CCDC178: variants seen among roughly 807,000 people sequenced by gnomAD.
The protein encoded by CCDC178 is coiled-coil domain-containing protein 178.
CCDC178 carries 126 observed loss-of-function variants against 117.4 expected under a neutral mutation model. The ratio of observed to expected loss-of-function variants is 1.07; its 90% confidence interval spans 0.93 to 1.24. CCDC178 has a LOEUF of 1.24. Among genes scored for constraint, CCDC178 ranks in the 50% most tolerant of loss-of-function variants. The pLI is 0.00. For synonymous variants in CCDC178, 283 were observed against 313.4 expected (o/e 0.90, Z 1.02); for missense variants, 1,030 against 986.9 (o/e 1.04, Z -0.59).
At chr18:33,109,779 T>G (rs1284837300) in intron 20 of CCDC178, among the ~76,000 whole-genome samples, 2 of 150,672 alleles carry the variant, frequency 1.3e-5, no homozygotes, top group African/African-American at 2.4e-5. Flanking sequence ...TCAGATTAAT[T>G]CATACTTTTT....
Position 32,946,330 on chromosome 18 carries a change from G to C in CCDC178, c.2524-8239C>G, listed in dbSNP as rs1267734804. On this transcript the variant is annotated intron_variant, in intron 22 of 22. Coordinates refer to ENST00000383096, the MANE Select transcript of CCDC178 (RefSeq NM_001105528.4). ...TTGAATTTTACTGTTATGTCAGTAT[G>C]GCTTATCCACCACTTTTCTTCAAAC... 2.6e-5 allele frequency among the ~76,000 whole-genome samples: 4 copies of C among 152,226 alleles called. No individual in the cohort carries two copies. The East Asian group carries it at 5.8e-4, about 22-fold the overall frequency.
intron 12 of CCDC178, among the ~76,000 whole-genome samples, chr18:33,281,987 C>T (rs1208091626): frequency 6.6e-6 from 1 of 152,150 alleles, no homozygotes; most frequent in Admixed American, 6.5e-5. Context: ...GAACAGCTCC[C>T]ATGGAGGCAC....
At chr18:33,301,900 T>C (rs550585987) in intron 11 of CCDC178, among the ~76,000 whole-genome samples, 219 of 152,242 alleles carry the variant, frequency 1.4e-3, no homozygotes, top group African/African-American at 5.1e-3. Context: ...TATTTTGCCA[T>C]GTGAGGTGGA....
At chr18:33,175,742 G>C (rs184937459) in intron 20 of CCDC178, among the ~76,000 whole-genome samples, 52 of 152,234 alleles carry the variant, frequency 3.4e-4, no homozygotes, top group Non-Finnish European at 5.7e-4. Context: ...ACTTTAGAAA[G>C]AAGCTTAAAG....
chr18:33,227,318 G>T, intron 15 of CCDC178, among the ~76,000 whole-genome samples: 1 of 147,548 alleles, frequency 6.8e-6, no homozygotes, highest in African/African-American at 2.5e-5. Context: ...TACCTTTCAA[G>T]TTTGTAGGGA....
chr18:32,957,121 T>C (rs1443702853), intron 22 of CCDC178, among the ~76,000 whole-genome samples: 1 of 152,198 alleles, frequency 6.6e-6, no homozygotes, highest in African/African-American at 2.4e-5. Flanking sequence ...CAGGGAAAGA[T>C]GCCAGCTGGC....
At chr18:33,424,345 A>G (rs552841131) in intron 2 of CCDC178, among the ~76,000 whole-genome samples, 7 of 152,318 alleles carry the variant, frequency 4.6e-5, no homozygotes, top group Admixed American at 4.6e-4. Context: ...CACCTATAAT[A>G]TAGCTGAAAT....
intron 20 of CCDC178, among the ~76,000 whole-genome samples, chr18:33,165,163 C>A (rs1235527334): frequency 1.3e-5 from 2 of 151,516 alleles, no homozygotes; most frequent in Admixed American, 6.6e-5. Context: ...CAAGACAATG[C>A]AAAAATAATA....
chr18:33,280,539 G>C (rs1267495546), intron 12 of CCDC178, among the ~76,000 whole-genome samples: 7 of 151,698 alleles, frequency 4.6e-5, no homozygotes, highest in Admixed American at 1.3e-4. Flanking sequence ...GTGGAAGTCA[G>C]TGTGGCGATT....
At chr18:32,964,805 T>C (rs561880384) in intron 22 of CCDC178, among the ~76,000 whole-genome samples, 2 of 152,052 alleles carry the variant, frequency 1.3e-5, no homozygotes, top group East Asian at 1.9e-4. Context: ...GAAAGAGAGA[T>C]TTTTTAAAAA....
At chr18:32,985,560 A>G (rs570125730) in intron 21 of CCDC178, among the ~76,000 whole-genome samples, 13 of 152,158 alleles carry the variant, frequency 8.5e-5, no homozygotes, top group Admixed American at 3.9e-4. Flanking sequence ...TTGCACTGGT[A>G]TATATAATTA....
At chr18:32,983,760 T>C (rs1242282831) in intron 21 of CCDC178, among the ~76,000 whole-genome samples, 5 of 152,074 alleles carry the variant, frequency 3.3e-5, no homozygotes, top group African/African-American at 4.8e-5. Context: ...TCTCAATTTC[T>C]GACAGATAGA....
chr18:33,287,165 A>T (rs377465378), intron 12 of CCDC178, among the ~76,000 whole-genome samples: 316 of 6,908 alleles, frequency 0.046, 1 homozygote, highest in East Asian at 0.15. Flanking sequence ...CCTTGAAATT[A>T]AAAAAAAAAT....
intron 15 of CCDC178, among the ~76,000 whole-genome samples, chr18:33,240,576 T>G (rs1450741551): frequency 1.3e-5 from 2 of 151,768 alleles, no homozygotes; most frequent in African/African-American, 2.4e-5. Context: ...CATTAGAAAC[T>G]TCAATGAACA....
At chr18:33,320,867 G>T (rs893583001) in intron 11 of CCDC178, among the ~76,000 whole-genome samples, 4 of 152,156 alleles carry the variant, frequency 2.6e-5, no homozygotes. Context: ...AACCAAAACA[G>T]CATGGTACTG....
chr18:33,130,874 A>G (rs771268599), intron 20 of CCDC178, among the ~76,000 whole-genome samples: 2 of 151,994 alleles, frequency 1.3e-5, no homozygotes, highest in African/African-American at 2.4e-5. Context: ...ACAAAAAGGA[A>G]TTACACAATT....
intron 4 of CCDC178, among the ~76,000 whole-genome samples, chr18:33,393,210 T>G (rs2063585331): frequency 6.6e-6 from 1 of 152,220 alleles, no homozygotes; most frequent in African/African-American, 2.4e-5. Context: ...TGCCTTATTT[T>G]ATGCTTTAGT....
At chr18:33,071,201 T>C (rs1353918789) in intron 21 of CCDC178, among the ~76,000 whole-genome samples, 1 of 152,016 alleles carries the variant, frequency 6.6e-6, no homozygotes, top group Non-Finnish European at 1.5e-5. Context: ...GAGCTAGTCA[T>C]GATGGAAAGG....
At chr18:32,975,712 T>G (rs2144698310) in intron 21 of CCDC178, among the ~76,000 whole-genome samples, 1 of 152,220 alleles carries the variant, frequency 6.6e-6, no homozygotes, top group Non-Finnish European at 1.5e-5. Flanking sequence ...TATCAGCTCA[T>G]TTTTAGCATA....
Sources: gnomAD v4.1 joint callset for allele counts (sites outside exome capture counted in the v4.1 genomes callset) on GRCh38, gnomAD v4.1.1 for gene constraint, MANE v1.5 for transcripts, NCBI Gene and HGNC (gene_info 2026-07-23, HGNC 2026-07-21) for gene names.